GP6: variants seen among roughly 807,000 people sequenced by gnomAD.
GP6 encodes glycoprotein VI platelet.
GP6 carries 45 observed loss-of-function variants against 37.3 expected under a neutral mutation model. The ratio of observed to expected loss-of-function variants is 1.21; its 90% confidence interval spans 0.95 to 1.55. GP6 has a LOEUF of 1.55. Among genes scored for constraint, GP6 ranks in the 40% most tolerant of loss-of-function variants. The probability of loss-of-function intolerance (pLI) is 0.00; values close to 1 mark genes in which losing one functional copy is unlikely to be tolerated. For missense variants in GP6, 813 were observed against 760.2 expected (o/e 1.07, Z -0.82); for synonymous variants, 340 against 316.4 (o/e 1.07, Z -0.79).
chr19:55,016,831 G>A (rs536545365), intron 6 of GP6, among the ~76,000 whole-genome samples: 6 of 151,792 alleles, frequency 4.0e-5, no homozygotes, highest in Admixed American at 6.6e-5. Context: ...CAAGGTGGGC[G>A]GATCACCTGA....
chr19:55,014,389 A>C lies in GP6; in HGVS notation c.1556T>G (p.Phe519Cys), dbSNP rs372569183. ...TGCTAGTTTTACACTAAGGAAAATG[A>C]ATGACATACCCAAACTGCCTGCAAG... The change falls in exon 8 of 8, where the codon TTC (phenylalanine) becomes TGC (cysteine). Residue 519 changes from phenylalanine to cysteine, a missense_variant. By Grantham distance (205) the Phe-to-Cys change is radical. Transcript: ENST00000310373. 4 of 1,613,680 alleles carry C rather than the reference A, an allele frequency of 2.5e-6. No individual in the cohort carries two copies. In the African/African-American group the frequency reaches 5.3e-5, roughly 22 times the overall value.
At chr19:55,027,899 G>A in intron 3 of GP6, 37 bp from the exon 4 acceptor site, 1 of 1,608,882 alleles carries the variant, frequency 6.2e-7, no homozygotes, top group Non-Finnish European at 8.5e-7. Context: ...GAAGGCAGGA[G>A]CCAGCATCTC....
chr19:55,014,269 A>T lies in GP6; in HGVS notation c.1676T>A (p.Leu559Ter). ...TAGGGATGCACCACCACACCTGGCTAATTTTTGTGTTTTTTTGTTTTGTTG... is the reference window on the plus strand; with the variant it reads ...TAGGGATGCACCACCACACCTGGCTTATTTTTGTGTTTTTTTGTTTTGTTG... Residue 559 changes from leucine to a stop codon, truncating the protein, a stop_gained, in exon 8 of 8, where the codon TTA (leucine) becomes TAA (stop). Transcript: ENST00000310373. LOFTEE classifies it high-confidence loss of function. 1 of 1,207,370 alleles carries T rather than the reference A, an allele frequency of 8.3e-7. No homozygotes were observed. The highest frequency in any genetic ancestry group is 1.2e-6 in the Non-Finnish European group (1 of 817,840). The allele number at this position is 1,207,370 out of a possible 1,614,324, so 74.8% of individuals were successfully genotyped here. A position where few individuals can be genotyped will look rare whatever the true frequency, so the allele number is the denominator to read the frequency against.
intron 5 of GP6, among the ~76,000 whole-genome samples, chr19:55,024,330 GCACGCACA>G (rs951553876): frequency 1.1e-4 from 4 of 35,680 alleles, no homozygotes; most frequent in Admixed American, 3.1e-4. Context: ...ACACACATAT[GCACGCACA>G]CACGCACATG....
At position 55,032,245 on chromosome 19, in the gene GP6, G is replaced by A. The variant is rs28385644; in HGVS notation, c.219C>T (p.Leu73=). The A allele has an allele frequency of 6.2e-7, 1 of 1,614,168 alleles. No homozygotes were observed. The change falls in exon 3 of 8, where the codon CTC becomes CTT. Residue 73 remains leucine (L), a synonymous_variant. Transcript: ENST00000310373. Reference sequence around the variant, plus strand: ...GACTTCTCTTCATGGCCGGGATGAAGAGGACTGCCTGATCCTGGTACCTGC... The same window carrying A: ...GACTTCTCTTCATGGCCGGGATGAAAAGGACTGCCTGATCCTGGTACCTGC...
At chr19:55,038,141 C>T in intron 1 of GP6, 62 bp downstream of exon 1, 1 of 1,330,064 alleles carries the variant, frequency 7.5e-7, no homozygotes, top group Non-Finnish European at 1.1e-6. Flanking sequence ...TCTTAAAAAT[C>T]CTTTGTCTGG....
rs926295731 is a variant in GP6, at chr19:55,020,705, C to T, written c.665-1994G>A. Among the ~76,000 whole-genome samples the T allele has an allele frequency of 1.2e-4, 18 of 152,048 alleles. 1 individual carries two copies. The highest frequency in any genetic ancestry group is 7.2e-4 in the Admixed American group (11 of 15,246). On this transcript the variant is annotated intron_variant, in intron 5 of 7. Coordinates refer to ENST00000310373, the MANE Select transcript of GP6 (RefSeq NM_001083899.2). ...TATGTGTGCATGTATCTTTATAATA[C>T]AATGATTTATATTCCTTTGGGTATA...
chr19:55,028,732 A>AGTTT (rs1411946352), intron 3 of GP6, among the ~76,000 whole-genome samples: 1 of 152,242 alleles, frequency 6.6e-6, no homozygotes, highest in Non-Finnish European at 1.5e-5. Flanking sequence ...GCACTCACAG[A>AGTTT]GTTTGATTCC....
chr19:55,016,653 C>T lies in GP6; in HGVS notation c.725-920G>A, dbSNP rs937629332. Reference sequence around the variant, plus strand: ...CCTCCCAAAGTGCTGGGATTACAGGCGTGAGCCACTGCACCCGGCCTCCAG... The same window carrying T: ...CCTCCCAAAGTGCTGGGATTACAGGTGTGAGCCACTGCACCCGGCCTCCAG... On this transcript the variant is annotated intron_variant, in intron 6 of 7. Coordinates refer to ENST00000310373, the MANE Select transcript of GP6 (RefSeq NM_001083899.2). 3.3e-5 allele frequency among the ~76,000 whole-genome samples: 5 copies of T among 151,942 alleles called. No homozygotes were observed. The South Asian group carries it at 6.2e-4, about 19-fold the overall frequency.
intron 3 of GP6, among the ~76,000 whole-genome samples, chr19:55,029,095 A>G (rs879765656): frequency 1.0e-3 from 146 of 146,206 alleles, no homozygotes; most frequent in Middle Eastern, 3.4e-3. Flanking sequence ...AGAAAAAGAA[A>G]GAAAGAGGAA....
At chr19:55,026,082 C>T (rs1238309549) in intron 4 of GP6, among the ~76,000 whole-genome samples, 1 of 151,724 alleles carries the variant, frequency 6.6e-6, no homozygotes, top group Non-Finnish European at 1.5e-5. Flanking sequence ...GAAATGCATG[C>T]AGCTCCCGTC....
At chr19:55,024,910 G>C in intron 5 of GP6, among the ~76,000 whole-genome samples, 1 of 151,598 alleles carries the variant, frequency 6.6e-6, no homozygotes, top group East Asian at 1.9e-4. Context: ...TGGTTGGTTA[G>C]TTTGTTTGTT....
intron 1 of GP6, chr19:55,032,786 A>G (rs1415979839): frequency 1.6e-6 from 1 of 617,130 alleles, no homozygotes; most frequent in African/African-American, 1.8e-5. Flanking sequence ...AAGCAGATCC[A>G]TGGCTGGGGG....
In GP6 at chr19:55,027,282, C is replaced by T. The variant is rs1233055142; in HGVS notation, c.610+296G>A. On this transcript the variant is annotated intron_variant, in intron 4 of 7. Transcript: ENST00000310373. ...GCTTCCTGCCCTCCCACTTCCTTCC[C>T]ACCTCTGGCGCCGCCCCTGCAGCCC... Among the ~76,000 whole-genome samples, 3 of 33,018 alleles carry T rather than the reference C, an allele frequency of 9.1e-5. 1 individual carries two copies. Among genetic ancestry groups the T allele is most frequent in the Non-Finnish European group, 2.0e-4 (3 of 15,214 alleles). 21.7% of individuals were successfully genotyped at this position (33,018 alleles called of 152,430 possible).
At chr19:55,032,768 G>A in intron 1 of GP6, 2 of 630,864 alleles carry the variant, frequency 3.2e-6, no homozygotes, top group Admixed American at 5.0e-5. Context: ...TATAGGAGAT[G>A]GAGAAGAAAG....
intron 1 of GP6, among the ~76,000 whole-genome samples, chr19:55,035,659 G>A (rs1345407593): frequency 6.6e-6 from 1 of 151,972 alleles, no homozygotes; most frequent in Non-Finnish European, 1.5e-5. Context: ...GGAGGTTGCA[G>A]TGAGCCAACG....
intron 3 of GP6, among the ~76,000 whole-genome samples, chr19:55,030,673 T>G (rs1469015618): frequency 4.0e-5 from 6 of 148,908 alleles, no homozygotes; most frequent in Admixed American, 3.4e-4. Flanking sequence ...AATAAATAAA[T>G]AAGAAAAGAA....
In GP6 at chr19:55,014,518, G is replaced by A. The variant is rs1467604349; in HGVS notation, c.1427C>T (p.Pro476Leu). 8.1e-6 allele frequency: 13 copies of A among 1,613,884 alleles called. No homozygotes were observed. In the African/African-American group the frequency reaches 1.7e-4, roughly 22 times the overall value. Residue 476 changes from proline (P) to leucine (L), a missense_variant, in exon 8 of 8, where the codon CCC becomes CTC. By Grantham distance (98) the Pro-to-Leu change is moderately conservative (BLOSUM62 -3). Coordinates refer to ENST00000310373, the MANE Select transcript of GP6 (RefSeq NM_001083899.2). The stretch of plus-strand genomic sequence containing the variant: ...CAGACAAGAGCACAGAGGGCCAAAG[G>A]GAAGCACGGGAGGATTTTGCACAGA...
rs534339924 is a variant in GP6 at position 55,027,613 on chromosome 19, G to A, written c.575C>T (p.Ser192Leu). The A allele has an allele frequency of 5.3e-5, 86 of 1,613,272 alleles. No homozygotes were observed. Among genetic ancestry groups the A allele is most frequent in the Non-Finnish European group, 6.9e-5 (81 of 1,179,398 alleles). ...AAGCTCCAGGGGGTCGCTGGGGGCT[G>A]ACCACAGGTATGGGTCCCTGCTGGA... is the stretch of plus-strand genomic sequence containing the variant. Residue 192 changes from serine to leucine, a missense_variant, in exon 4 of 8, where the codon TCA (serine) becomes TTA (leucine). Coordinates refer to ENST00000310373, the MANE Select transcript of GP6 (RefSeq NM_001083899.2).
Sources: allele counts gnomAD v4.1 joint callset (sites outside exome capture counted in the v4.1 genomes callset), GRCh38; gene constraint gnomAD v4.1.1; transcripts MANE v1.5; gene names NCBI Gene and HGNC (gene_info 2026-07-23, HGNC 2026-07-21).